MGAT4B: variants seen among roughly 807,000 people sequenced by gnomAD.
MGAT4B encodes alpha-1,3-mannosyl-glycoprotein 4-beta-N-acetylglucosaminyltransferase B.
In MGAT4B, 38 loss-of-function variants were observed where a neutral mutation model predicts 73.9. The observed-to-expected ratio is 0.51, with a 90% CI of 0.40 to 0.67. The LOEUF (loss-of-function observed/expected upper bound fraction) is 0.67. MGAT4B is among the 30% of genes least tolerant of loss of function. The probability of loss-of-function intolerance (pLI) is 0.00; values close to 1 mark genes in which losing one functional copy is unlikely to be tolerated. For synonymous variants in MGAT4B, 373 were observed against 313.5 expected, an observed-to-expected ratio of 1.19 and a Z score of -2.01; for missense variants, 686 against 735.2, an observed-to-expected ratio of 0.93 and a Z score of 0.77.
intron 8 of MGAT4B, 136 bp from the exon 9 acceptor site, chr5:179,799,772 G>A (rs902696341): frequency 2.2e-6 from 3 of 1,359,638 alleles, no homozygotes; most frequent in Non-Finnish European, 3.1e-6. Context: ...GAGGCAGACA[G>A]GTGATGAGGG....
intron 1 of MGAT4B, 144 bp from the exon 2 acceptor site, chr5:179,802,113 G>A (rs1756974055): frequency 6.5e-7 from 1 of 1,542,366 alleles, no homozygotes; most frequent in Non-Finnish European, 8.7e-7. Flanking sequence ...ACGTGACATA[G>A]CTGGGGTCAC....
Position 179,806,448 on chromosome 5 carries a change from A to C in MGAT4B, c.97+39T>G. On this transcript the variant is annotated intron_variant, in intron 1 of 14. Coordinates refer to ENST00000292591, the MANE Select transcript of MGAT4B (RefSeq NM_014275.5). The surrounding 1 kb of genome is among the most constrained non-coding windows in gnomAD (Gnocchi z 4.6). ...GGGCCCGCTCCCGCCGCCGACGCCC[A>C]GGTGCGCCAGGTGCGGGCCGGGCGG... 8.4e-7 allele frequency: 1 copy of C among 1,184,204 alleles called. No homozygotes were observed. The highest frequency in any genetic ancestry group is 1.1e-6 in the Non-Finnish European group (1 of 933,270). 73.4% of individuals were successfully genotyped at this position (1,184,204 alleles called of 1,614,324 possible).
chr5:179,800,915 G>A lies in MGAT4B; in HGVS notation c.597C>T (p.Ile199=). ...GGGTCGCCAGTACTCACAAGGCCTT[G>A]ATGTTCTCTGTCACTGCCGAAGTGT... ...SQYTSAVTEN[I]KALFPTEIHS... Residue 199 remains isoleucine, a synonymous_variant, in exon 5 of 15, where the codon ATC becomes ATT. Transcript: ENST00000292591. The A allele has an allele frequency of 6.2e-7, 1 of 1,613,728 alleles. No individual in the cohort carries two copies.
intron 7 of MGAT4B, 53 bp downstream of exon 7, chr5:179,800,131 G>A (rs1219452217): frequency 5.6e-6 from 9 of 1,609,978 alleles, no homozygotes; most frequent in Admixed American, 1.7e-5. Context: ...CAGACCCATC[G>A]CAGGGCAGGG....
rs1339558569 is a variant in MGAT4B, at chr5:179,801,873, T to C, written c.194A>G (p.Asn65Ser). The change falls in exon 2 of 15, where the codon AAC becomes AGC. Residue 65 changes from asparagine (N) to serine (S), a missense_variant. Around this residue, in one of 2 missense-constraint regions of MGAT4B, gnomAD observed 237 missense variants for 198.5 expected, o/e 1.19. Coordinates refer to ENST00000292591, the MANE Select transcript of MGAT4B (RefSeq NM_014275.5). The surrounding 1 kb of genome is among the most constrained non-coding windows in gnomAD (Gnocchi z 4.8). Reference protein sequence around the residue: ...QESLKRSKELNLVLDEIKRAV... With the variant: ...QESLKRSKELSLVLDEIKRAV... ...CCTCTTGATCTCGTCCAGCACCAGGTTGAGCTCCTTGGAGCGCTTGAGGCT... is the reference window on the plus strand; with the variant it reads ...CCTCTTGATCTCGTCCAGCACCAGGCTGAGCTCCTTGGAGCGCTTGAGGCT... 6 of 1,612,462 alleles carry C rather than the reference T, an allele frequency of 3.7e-6. No homozygotes were observed. The highest frequency in any genetic ancestry group is 1.3e-5 in the African/African-American group (1 of 74,906).
chr5:179,803,236 C>T (rs1757021146), intron 1 of MGAT4B: 2 of 985,260 alleles, frequency 2.0e-6, no homozygotes, highest in Non-Finnish European at 2.4e-6. Context: ...CCACCCTCCA[C>T]ACCCTGCCTC....
intron 1 of MGAT4B, among the ~76,000 whole-genome samples, chr5:179,803,954 A>G (rs995752735): frequency 1.5e-4 from 23 of 152,208 alleles, no homozygotes; most frequent in African/African-American, 5.1e-4. Flanking sequence ...CTGCCAAGCC[A>G]TGCTGGCACC....
chr5:179,803,051 G>C, intron 1 of MGAT4B: 1 of 985,514 alleles, frequency 1.0e-6, no homozygotes, highest in Non-Finnish European at 1.2e-6. Flanking sequence ...TCAAGGTCAT[G>C]ATCAGGCAAA....
In MGAT4B at chr5:179,798,078, C is replaced by T; in HGVS notation, c.1624-10G>A. On this transcript the variant is annotated splice_polypyrimidine_tract_variant and intron_variant, in intron 14 of 14. Transcript: ENST00000292591. ...CCTTTTTCAGGAAGATCTGGAAGAG[C>T]CGGACCCAGGGTCAGCAGGGCCTCT... 2 of 1,608,594 alleles carry T rather than the reference C, an allele frequency of 1.2e-6. No individual in the cohort carries two copies. The highest frequency in any genetic ancestry group is 8.5e-7 in the Non-Finnish European group (1 of 1,178,074).
chr5:179,798,313 C>T (rs370796263), intron 13 of MGAT4B, 34 bp downstream of exon 13: 14 of 1,612,696 alleles, frequency 8.7e-6, no homozygotes, highest in African/African-American at 4.0e-5. Flanking sequence ...TGTCCCTGAA[C>T]CCCAGCCCAC....
In MGAT4B at chr5:179,799,489, C is replaced by T. The variant is rs375062835; in HGVS notation, c.1041+17G>A. 100 of 1,613,452 alleles carry T rather than the reference C, an allele frequency of 6.2e-5. No individual in the cohort carries two copies. The highest frequency in any genetic ancestry group is 1.5e-4 in the Admixed American group (9 of 60,006). On this transcript the variant is annotated intron_variant, in intron 9 of 14. Transcript: ENST00000292591. ...CCCTTGGCCCTGCCCCTGCCAGTCC[C>T]GCCAGCTCTTGCTCACCGCATCCTT...
At position 179,800,004 on chromosome 5, in the gene MGAT4B, T is replaced by C; in HGVS notation, c.860A>G (p.Gln287Arg). The C allele has an allele frequency of 6.2e-7, 1 of 1,614,026 alleles. No homozygotes were observed. The highest frequency in any genetic ancestry group is 8.5e-7 in the Non-Finnish European group (1 of 1,180,016). The stretch of plus-strand genomic sequence containing the variant: ...CAGGATCATCCAGTCCTCTGAAGGC[T>C]GCTGCAGTGCAAAGTTCTTCATGGT... ...LSTMKNFALQ[Q>R]PSEDWMILEF... The change falls in exon 8 of 15, where the codon CAG (glutamine) becomes CGG (arginine). Residue 287 changes from glutamine to arginine, a missense_variant. Physicochemically the swap from Gln to Arg is conservative, Grantham distance 43. Transcript: ENST00000292591.
intron 1 of MGAT4B, among the ~76,000 whole-genome samples, chr5:179,804,721 C>T (rs1027048637): frequency 2.0e-5 from 3 of 152,130 alleles, no homozygotes; most frequent in African/African-American, 7.2e-5. Flanking sequence ...CCGCTGGCTG[C>T]AAAGTGGAGG....
chr5:179,801,324 G>A lies in MGAT4B; in HGVS notation c.558+10C>T. On this transcript the variant is annotated intron_variant, in intron 4 of 14. Coordinates refer to ENST00000292591, the MANE Select transcript of MGAT4B (RefSeq NM_014275.5). The surrounding 1 kb of genome is among the most constrained non-coding windows in gnomAD (Gnocchi z 4.8). Reference sequence around the variant, plus strand: ...GAATGTCCCCCAACCCCGCGTCCCGGCTCACTCGCCTCGGCGATCAGCACC... The same window carrying A: ...GAATGTCCCCCAACCCCGCGTCCCGACTCACTCGCCTCGGCGATCAGCACC... 3 of 1,603,502 alleles carry A rather than the reference G, an allele frequency of 1.9e-6. No homozygotes were observed. The highest frequency in any genetic ancestry group is 3.4e-5 in the Admixed American group (2 of 59,630).
Position 179,798,270 on chromosome 5 carries a change from G to T in MGAT4B, c.1518C>A (p.Phe506Leu). 1 of 1,612,680 alleles carries T rather than the reference G, an allele frequency of 6.2e-7. No individual in the cohort carries two copies. The highest frequency in any genetic ancestry group is 8.5e-7 in the Non-Finnish European group (1 of 1,179,818). Residue 506 changes from phenylalanine to leucine, a missense_variant, in exon 14 of 15, where the codon TTC becomes TTA. Around this residue, in one of 2 missense-constraint regions of MGAT4B, gnomAD observed 449 missense variants for 536.8 expected, o/e 0.84. Coordinates refer to ENST00000292591, the MANE Select transcript of MGAT4B (RefSeq NM_014275.5). ...SPDGYLQIGS[F>L]YKGVAEGEVD... is the part of the protein sequence containing the mutation. ...CCTCTCCCTCTGCCACTCCCTTGTAGAAGGAGCCTGTGGGAGGGCAGTGGT... is the reference window on the plus strand; with the variant it reads ...CCTCTCCCTCTGCCACTCCCTTGTATAAGGAGCCTGTGGGAGGGCAGTGGT...
Position 179,801,841 on chromosome 5 carries a change from A to C in MGAT4B, c.226T>G (p.Ser76Ala). ...CCGTCTCGCAGCGCCTGCCTTTCTG[A>C]CACGGCCCTCTTGATCTCGTCCAGC... ...LVLDEIKRAVSERQALRDGDG... is the reference protein window; with the variant it reads ...LVLDEIKRAVAERQALRDGDG... The change falls in exon 2 of 15, where the codon TCA (serine) becomes GCA (alanine). Residue 76 changes from serine (S) to alanine (A), a missense_variant. Around this residue, in one of 2 missense-constraint regions of MGAT4B, gnomAD observed 237 missense variants for 198.5 expected, o/e 1.19. Coordinates refer to ENST00000292591, the MANE Select transcript of MGAT4B (RefSeq NM_014275.5). This position sits in a 1 kb window ranked among gnomAD's most constrained non-coding sequence, Gnocchi z 4.8. 1 of 1,607,044 alleles carries C rather than the reference A, an allele frequency of 6.2e-7. No individual in the cohort carries two copies. The highest frequency in any genetic ancestry group is 8.5e-7 in the Non-Finnish European group (1 of 1,175,116).
chr5:179,799,228 A>G lies in MGAT4B; in HGVS notation c.1124T>C (p.Leu375Pro). The G allele has an allele frequency of 6.2e-7, 1 of 1,614,034 alleles. No homozygotes were observed. Among genetic ancestry groups the G allele is most frequent in the East Asian group, 2.2e-5 (1 of 44,888 alleles). Residue 375 changes from leucine (L) to proline (P), a missense_variant, in exon 10 of 15, where the codon CTG becomes CCG. Transcript: ENST00000292591. ...LFQHVGTHSSLAGKIQKLKDK... is the reference protein window; with the variant it reads ...LFQHVGTHSSPAGKIQKLKDK... ...CTTCAGTTTCTGGATCTTGCCAGCC[A>G]GCGAGGAGTGAGTGCCCACGTGCTG...
chr5:179,801,024 G>T lies in MGAT4B; in HGVS notation c.559-71C>A. On this transcript the variant is annotated intron_variant, in intron 4 of 14. Transcript: ENST00000292591. This position sits in a 1 kb window ranked among gnomAD's most constrained non-coding sequence, Gnocchi z 4.8. ...AAAGGCCTGGAAGGGCTTGGAGAAG[G>T]GGCACAGGCTTCAGATGCCCCCCAC... 6.4e-7 allele frequency: 1 copy of T among 1,563,396 alleles called. No homozygotes were observed. The highest frequency in any genetic ancestry group is 8.8e-7 in the Non-Finnish European group (1 of 1,136,288).
intron 1 of MGAT4B, chr5:179,803,136 A>AG (rs1757016568): frequency 1.0e-6 from 1 of 985,600 alleles, no homozygotes; most frequent in African/African-American, 1.7e-5. Flanking sequence ...GGGAAGAGGA[A>AG]GGGGTGGACC....
Sources: gnomAD v4.1 joint callset for allele counts (sites outside exome capture counted in the v4.1 genomes callset) on GRCh38, gnomAD v4.1.1 for gene constraint, gnomAD v4.1.1 regional missense constraint, Gnocchi (gnomAD v3.1) non-coding constraint, MANE v1.5 for transcripts, NCBI Gene and HGNC (gene_info 2026-07-23, HGNC 2026-07-21) for gene names.